Variants in MED13 observed in about 807,000 individuals in gnomAD.
The protein encoded by MED13 is mediator of RNA polymerase II transcription subunit 13.
In MED13, 23 loss-of-function variants were observed where a neutral mutation model predicts 225.2. That is an observed-to-expected ratio of 0.10 (90% CI 0.07 to 0.14). The LOEUF (loss-of-function observed/expected upper bound fraction) is 0.14. Among genes scored for constraint, MED13 ranks in the 10% least tolerant of loss-of-function variants. The pLI is 1.00. For missense variants in MED13, 2,197 were observed against 2,594.5 expected (o/e 0.85, Z 3.33); for synonymous variants, 942 against 889.2 (o/e 1.06, Z -1.06).
intron 3 of MED13, among the ~76,000 whole-genome samples, chr17:62,041,660 T>G (rs1056268459): frequency 1.3e-5 from 2 of 152,174 alleles, no homozygotes; most frequent in Admixed American, 6.5e-5. Context: ...CACTGCAGCT[T>G]CCACCTCCTG....
intron 2 of MED13, among the ~76,000 whole-genome samples, chr17:62,057,314 G>A (rs1211596388): frequency 6.6e-6 from 1 of 151,788 alleles, no homozygotes; most frequent in Non-Finnish European, 1.5e-5. Flanking sequence ...CCTTAAGTTG[G>A]CCGCATCATT....
chr17:62,056,099 T>C (rs2080994526), intron 2 of MED13, among the ~76,000 whole-genome samples: 1 of 152,252 alleles, frequency 6.6e-6, no homozygotes, highest in Admixed American at 6.5e-5. Context: ...TTTCATATTT[T>C]GTTGCTGAGA....
intron 9 of MED13, among the ~76,000 whole-genome samples, chr17:62,003,132 T>C (rs1057455571): frequency 6.6e-6 from 1 of 152,158 alleles, no homozygotes; most frequent in Non-Finnish European, 1.5e-5. Context: ...AGGAAAAGGA[T>C]AGAATCATCC....
At chr17:62,031,985 G>T (rs1429937348) in intron 5 of MED13, among the ~76,000 whole-genome samples, 1 of 151,598 alleles carries the variant, frequency 6.6e-6, no homozygotes, top group Non-Finnish European at 1.5e-5. Context: ...CAATTTTATT[G>T]TTTAAGTTTA....
intron 11 of MED13, among the ~76,000 whole-genome samples, chr17:61,991,468 T>C (rs576121452): frequency 1.3e-5 from 2 of 152,018 alleles, no homozygotes; most frequent in Non-Finnish European, 2.9e-5. Flanking sequence ...GCCTCCCAAG[T>C]TGCTGGGACT....
intron 8 of MED13, among the ~76,000 whole-genome samples, chr17:62,022,569 A>T (rs1445895445): frequency 6.6e-6 from 1 of 151,922 alleles, no homozygotes; most frequent in Non-Finnish European, 1.5e-5. Context: ...TTGGCCTCCC[A>T]AACTGCTGGG....
In MED13 at chr17:62,024,091, C is replaced by G. The variant is rs150518420; in HGVS notation, c.1283+5450G>C. Among the ~76,000 whole-genome samples, 602 of 151,992 alleles carry G rather than the reference C, an allele frequency of 4.0e-3. 3 individuals are homozygous for G. The highest frequency in any genetic ancestry group is 0.014 in the African/African-American group (582 of 41,390). On this transcript the variant is annotated intron_variant, in intron 8 of 29. Coordinates refer to ENST00000397786, the MANE Select transcript of MED13 (RefSeq NM_005121.3). ...AAAGTGCAGTAACGCCATCTTGGCT[C>G]ACTGCAACCTCTGCCTTCCGGGTTC...
chr17:61,947,540 C>T (rs566449280), intron 28 of MED13, among the ~76,000 whole-genome samples: 1 of 152,078 alleles, frequency 6.6e-6, no homozygotes, highest in South Asian at 2.1e-4. Flanking sequence ...TATATGACAC[C>T]CTTTATGACT....
At chr17:62,058,515 C>G (rs938213993) in intron 2 of MED13, among the ~76,000 whole-genome samples, 1 of 93,328 alleles carries the variant, frequency 1.1e-5, no homozygotes, top group African/African-American at 4.3e-5. Flanking sequence ...AGCGAGACTT[C>G]ATCTCAAAAA....
At chr17:62,011,954 C>T (rs1010884902) in intron 8 of MED13, among the ~76,000 whole-genome samples, 3 of 152,160 alleles carry the variant, frequency 2.0e-5, no homozygotes, top group African/African-American at 7.2e-5. Flanking sequence ...TGGTGGCTGA[C>T]ACCTGCAATC....
At chr17:61,949,082 C>T (rs1385342873) in intron 28 of MED13, among the ~76,000 whole-genome samples, 2 of 148,064 alleles carry the variant, frequency 1.4e-5, no homozygotes, top group Non-Finnish European at 1.5e-5. Context: ...AGCGAGACTC[C>T]GTCTCAAAAA....
chr17:61,950,662 G>A (rs1393294784), intron 28 of MED13, among the ~76,000 whole-genome samples, 163 bp downstream of exon 28: 1 of 152,202 alleles, frequency 6.6e-6, no homozygotes. Flanking sequence ...GGCATTACAG[G>A]CGTGAGCCAC....
chr17:62,019,316 T>C (rs1298771037), intron 8 of MED13, among the ~76,000 whole-genome samples: 2 of 152,244 alleles, frequency 1.3e-5, no homozygotes, highest in Admixed American at 6.5e-5. Context: ...TGGATGTCTA[T>C]TTTATTCATG....
intron 28 of MED13, among the ~76,000 whole-genome samples, chr17:61,948,333 T>A (rs2079867783): frequency 6.6e-6 from 1 of 152,216 alleles, no homozygotes; most frequent in Non-Finnish European, 1.5e-5. Context: ...TACTATCCTT[T>A]CTGCAAATAA....
chr17:61,978,365 C>T (rs920509125), intron 16 of MED13, among the ~76,000 whole-genome samples: 1 of 152,138 alleles, frequency 6.6e-6, no homozygotes, highest in Non-Finnish European at 1.5e-5. Context: ...AATTCTCCTG[C>T]CTTAGCCTCC....
In MED13 at chr17:61,955,855, TAAAA is replaced by T. The variant is rs61326861; in HGVS notation, c.5624-21_5624-18del. The stretch of plus-strand genomic sequence containing the variant: ...AGCTCCAATCTGTGGGTATCAACAG[TAAAA>T]AAAAAAAAAAAAAAAAAAAAAATCA... On this transcript the variant is annotated intron_variant, in intron 24 of 29. Coordinates refer to ENST00000397786, the MANE Select transcript of MED13 (RefSeq NM_005121.3). The T allele has an allele frequency of 0.012, 9,921 of 800,186 alleles. No homozygotes were observed. Among genetic ancestry groups the T allele is most frequent in the East Asian group, 0.028 (369 of 13,154 alleles). 49.6% of individuals were successfully genotyped at this position (800,186 alleles called of 1,614,324 possible). A position where few individuals can be genotyped will look rare whatever the true frequency, so the allele number is the denominator to read the frequency against.
In MED13 at chr17:62,043,156, CAAAAAAAA is replaced by C. The variant is rs764530614; in HGVS notation, c.471-7556_471-7549del. 6.6e-4 allele frequency among the ~76,000 whole-genome samples: 21 copies of C among 31,672 alleles called. No individual in the cohort carries two copies. In the East Asian group the frequency reaches 0.021, roughly 32 times the overall value. The allele number at this position is 31,672 out of a possible 152,430, so 20.8% of individuals were successfully genotyped here. On this transcript the variant is annotated intron_variant, in intron 3 of 29. Transcript: ENST00000397786. ...AGGAGACAAAGCAAGACCCTGTCTC[CAAAAAAAA>C]AAAAAAAAAAAAAAAAAAAAGAAAG... is the stretch of plus-strand genomic sequence containing the variant.
chr17:61,947,200 T>G (rs540616284), intron 28 of MED13, among the ~76,000 whole-genome samples, 183 bp from the exon 29 acceptor site: 17 of 152,178 alleles, frequency 1.1e-4, no homozygotes, highest in East Asian at 3.9e-4. Context: ...AAATGTTTTT[T>G]TTTTTTTTTT....
At chr17:61,970,411 T>C (rs1389390218) in intron 17 of MED13, among the ~76,000 whole-genome samples, 1 of 152,154 alleles carries the variant, frequency 6.6e-6, no homozygotes. Context: ...CTGGGCATGG[T>C]GGCTCACGCC....
Sources: gnomAD v4.1 joint callset for allele counts (sites outside exome capture counted in the v4.1 genomes callset) on GRCh38, gnomAD v4.1.1 for gene constraint, MANE v1.5 for transcripts, NCBI Gene and HGNC (gene_info 2026-07-23, HGNC 2026-07-21) for gene names.